DDX60L: variants seen among roughly 807,000 people sequenced by gnomAD.
The protein encoded by DDX60L is probable ATP-dependent RNA helicase DDX60-like.
Under a neutral mutation model 211.6 loss-of-function variants are expected in DDX60L, and 191 were observed. The ratio of observed to expected loss-of-function variants is 0.90; its 90% CI spans 0.80 to 1.02. DDX60L has a LOEUF of 1.02. DDX60L is among the 50% of genes least tolerant of loss of function. The pLI, the probability that DDX60L is intolerant of heterozygous loss-of-function variation, is 0.00. For synonymous variants in DDX60L, 706 were observed against 694.1 expected (o/e 1.02, Z -0.27); for missense variants, 2,007 against 1,984.1 (o/e 1.01, Z -0.22).
chr4:168,385,870 G>A (rs1231227934), intron 29 of DDX60L, among the ~76,000 whole-genome samples: 1 of 151,966 alleles, frequency 6.6e-6, no homozygotes, highest in Non-Finnish European at 1.5e-5. Context: ...ATACGTAAAA[G>A]AAACACAAAT....
At chr4:168,437,562 A>C (rs1225719020) in intron 10 of DDX60L, among the ~76,000 whole-genome samples, 1 of 152,208 alleles carries the variant, frequency 6.6e-6, no homozygotes, top group Non-Finnish European at 1.5e-5. Flanking sequence ...GCCACGATGC[A>C]AAGGAAAGTC....
chr4:168,442,221 T>C (rs956917150), intron 9 of DDX60L, among the ~76,000 whole-genome samples: 2 of 152,122 alleles, frequency 1.3e-5, no homozygotes, highest in African/African-American at 2.4e-5. Flanking sequence ...GTTCCCTTTC[T>C]GAGTCAAAGA....
At chr4:168,451,936 C>G (rs552556891) in intron 8 of DDX60L, among the ~76,000 whole-genome samples, 1 of 152,300 alleles carries the variant, frequency 6.6e-6, no homozygotes, top group East Asian at 1.9e-4. Context: ...TTTCACTTGT[C>G]TTCACTCTTC....
At chr4:168,380,702 T>C (rs1258000970) in intron 30 of DDX60L, 1 of 152,096 alleles carries the variant, frequency 6.6e-6, no homozygotes, top group African/African-American at 2.4e-5. Flanking sequence ...TATCTGAAAA[T>C]GTGGAAGCGA....
chr4:168,387,040 C>T (rs982609921), intron 29 of DDX60L, among the ~76,000 whole-genome samples: 1 of 152,194 alleles, frequency 6.6e-6, no homozygotes, highest in Non-Finnish European at 1.5e-5. Context: ...TATCCATCAT[C>T]TACAGCACAG....
intron 32 of DDX60L, 64 bp from the exon 33 acceptor site, chr4:168,378,539 A>G: frequency 7.6e-7 from 1 of 1,319,436 alleles, no homozygotes; most frequent in Non-Finnish European, 1.0e-6. Context: ...TTTCTGCCTA[A>G]ATTTGTTTTT....
chr4:168,382,077 G>A (rs767232310), intron 30 of DDX60L, among the ~76,000 whole-genome samples: 9 of 152,128 alleles, frequency 5.9e-5, no homozygotes, highest in East Asian at 1.9e-4. Flanking sequence ...GGAATCTGAC[G>A]TAACTGGCCA....
intron 3 of DDX60L, 137 bp downstream of exon 3, chr4:168,472,318 G>T: frequency 1.5e-6 from 1 of 660,436 alleles, no homozygotes; most frequent in Non-Finnish European, 2.6e-6. Context: ...AGGAAGAAGA[G>T]TGCGTTCCCA....
chr4:168,373,007 G>T (rs934152536), intron 35 of DDX60L, among the ~76,000 whole-genome samples: 3 of 151,850 alleles, frequency 2.0e-5, no homozygotes, highest in African/African-American at 7.3e-5. Context: ...TAAAATTTTG[G>T]TTAACAAAAT....
intron 33 of DDX60L, among the ~76,000 whole-genome samples, chr4:168,376,895 A>G (rs949092329): frequency 6.6e-6 from 1 of 152,222 alleles, no homozygotes; most frequent in Non-Finnish European, 1.5e-5. Context: ...TAATTGACTA[A>G]TATAGAGCAG....
intron 13 of DDX60L, 139 bp from the exon 14 acceptor site, chr4:168,427,461 C>T (rs753016665): frequency 5.1e-5 from 49 of 960,834 alleles, no homozygotes; most frequent in Admixed American, 1.2e-4. Flanking sequence ...TTCTTAATGT[C>T]TTTTCTTAAA....
chr4:168,433,964 A>G (rs1348526613), intron 10 of DDX60L, among the ~76,000 whole-genome samples: 1 of 152,184 alleles, frequency 6.6e-6, no homozygotes, highest in African/African-American at 2.4e-5. Flanking sequence ...AAAAGATATT[A>G]TTTCATTACC....
chr4:168,358,463 T>A (rs1414069493), intron 37 of DDX60L, among the ~76,000 whole-genome samples, 187 bp from the exon 38 acceptor site: 1 of 151,946 alleles, frequency 6.6e-6, no homozygotes, highest in Non-Finnish European at 1.5e-5. Flanking sequence ...ACATCATGTA[T>A]CTTGAGAAAG....
At chr4:168,366,596 A>T (rs1579174217) in intron 36 of DDX60L, among the ~76,000 whole-genome samples, 1 of 148,330 alleles carries the variant, frequency 6.7e-6, no homozygotes, top group East Asian at 2.0e-4. Context: ...CCATTAAAAT[A>T]CCAATGACAT....
chr4:168,471,920 T>G lies in DDX60L; in HGVS notation c.91A>C (p.Asn31His), dbSNP rs1758835817. ...AAAAAATTAGATTCCACAAAATCAT[T>G]TAATATGCTGGAATACCTAAAATAA... ...MPKAGYSSILNDFVESNFFVI... is the reference protein window; with the variant it reads ...MPKAGYSSILHDFVESNFFVI... The change falls in exon 4 of 38, where the codon AAT (asparagine) becomes CAT (histidine). Residue 31 changes from asparagine to histidine, a missense_variant. Coordinates refer to ENST00000682922, the MANE Select transcript of DDX60L (RefSeq NM_001012967.3). The G allele has an allele frequency of 6.2e-7, 1 of 1,604,018 alleles. No individual in the cohort carries two copies. Among genetic ancestry groups the G allele is most frequent in the Non-Finnish European group, 8.5e-7 (1 of 1,175,876 alleles).
chr4:168,441,821 CA>C (rs1161271380), intron 9 of DDX60L, among the ~76,000 whole-genome samples: 4 of 151,858 alleles, frequency 2.6e-5, no homozygotes, highest in African/African-American at 9.7e-5. Context: ...CCTCCCTGCC[CA>C]AAAAATTAAC....
Position 168,406,640 on chromosome 4 carries a change from T to C in DDX60L, c.3046A>G (p.Thr1016Ala). 6.2e-7 allele frequency: 1 copy of C among 1,605,944 alleles called. No homozygotes were observed. The highest frequency in any genetic ancestry group is 8.5e-7 in the Non-Finnish European group (1 of 1,175,900). The change falls in exon 23 of 38, where the codon ACC becomes GCC. Residue 1016 changes from threonine to alanine, a missense_variant. Thr to Ala is a moderately conservative substitution (Grantham distance 58). Transcript: ENST00000682922. Reference protein sequence around the residue: ...TPQESIQLYDTMAQVWETWPR... With the variant: ...TPQESIQLYDAMAQVWETWPR... ...CAAGTTTCCCAGACTTGAGCCATGG[T>C]ATCATAAAGCTGGATGCTTTCTTGA...
In DDX60L at chr4:168,384,597, T is replaced by G. The variant is rs1743524678; in HGVS notation, c.4116+15A>C. The G allele has an allele frequency of 3.1e-6, 5 of 1,613,510 alleles. No homozygotes were observed. The highest frequency in any genetic ancestry group is 4.2e-6 in the Non-Finnish European group (5 of 1,179,836). The stretch of plus-strand genomic sequence containing the variant: ...GTGATGAAGACTGAACCTCAGGCAG[T>G]GTCCAGCACGGTACCTTTGCCTTGG... On this transcript the variant is annotated intron_variant, in intron 30 of 37. Coordinates refer to ENST00000682922, the MANE Select transcript of DDX60L (RefSeq NM_001012967.3).
Position 168,471,814 on chromosome 4 carries a change from T to C in DDX60L, c.197A>G (p.Tyr66Cys), listed in dbSNP as rs1290000737. 5.6e-6 allele frequency: 9 copies of C among 1,613,570 alleles called. No homozygotes were observed. The highest frequency in any genetic ancestry group is 1.7e-5 in the Admixed American group (1 of 59,876). Residue 66 changes from tyrosine to cysteine, a missense_variant, in exon 4 of 38, where the codon TAT (tyrosine) becomes TGT (cysteine). Tyr to Cys is a radical substitution (Grantham distance 194). Coordinates refer to ENST00000682922, the MANE Select transcript of DDX60L (RefSeq NM_001012967.3). ...FKWGQNLHFFYLVECYLVDLL... is the reference protein window; with the variant it reads ...FKWGQNLHFFCLVECYLVDLL... ...ATCCACAAGATAGCATTCAACCAGA[T>C]AGAAAAAGTGGAGATTCTGTCCCCA...
Sources: allele counts gnomAD v4.1 joint callset (sites outside exome capture counted in the v4.1 genomes callset), GRCh38; gene constraint gnomAD v4.1.1; transcripts MANE v1.5; gene names NCBI Gene and HGNC (gene_info 2026-07-23, HGNC 2026-07-21).